CHD9: variants seen among roughly 807,000 people sequenced by gnomAD.
CHD9 encodes chromodomain helicase DNA binding protein 9, also known as ATP-dependent chromatin remodeler CHD9.
CHD9 carries 77 observed loss-of-function variants against 316.1 expected under a neutral mutation model. That is an observed-to-expected ratio of 0.24 (90% confidence interval 0.20 to 0.29). The LOEUF is 0.29. CHD9 is among the 10% of genes least tolerant of loss of function. The probability of loss-of-function intolerance (pLI) is 1.00; values close to 1 mark genes in which losing one functional copy is unlikely to be tolerated. For missense variants in CHD9, 2,763 were observed against 3,438.1 expected, an observed-to-expected ratio of 0.80 and a Z score of 4.91; for synonymous variants, 1,129 against 1,158.3, an observed-to-expected ratio of 0.97 and a Z score of 0.51.
chr16:53,292,778 T>G, intron 28 of CHD9, 55 bp from the exon 29 acceptor site: 4 of 1,399,250 alleles, frequency 2.9e-6, no homozygotes, highest in Non-Finnish European at 4.0e-6. Context: ...GCTGCTTTTG[T>G]GAGCTTCATA....
At chr16:53,207,038 G>A (rs2045947763) in intron 2 of CHD9, among the ~76,000 whole-genome samples, 2 of 152,018 alleles carry the variant, frequency 1.3e-5, no homozygotes, top group Admixed American at 1.3e-4. Context: ...GGTCTTTCTA[G>A]AGCCCTGTTT....
At chr16:53,067,797 C>T (rs566630757) in intron 1 of CHD9, among the ~76,000 whole-genome samples, 24 of 152,194 alleles carry the variant, frequency 1.6e-4, no homozygotes, top group Admixed American at 5.2e-4. Context: ...CATTTTCCTC[C>T]TTTTCATAGT....
At chr16:53,204,632 C>T (rs777969569) in intron 2 of CHD9, among the ~76,000 whole-genome samples, 14 of 151,950 alleles carry the variant, frequency 9.2e-5, no homozygotes, top group African/African-American at 3.4e-4. Flanking sequence ...AGGTCATGAC[C>T]TGTCTTTGAC....
chr16:53,065,841 T>C (rs1411145915), intron 1 of CHD9, among the ~76,000 whole-genome samples: 2 of 152,050 alleles, frequency 1.3e-5, no homozygotes, highest in Non-Finnish European at 2.9e-5. Flanking sequence ...TATGATTCCT[T>C]CAGCTTTTGT....
intron 2 of CHD9, among the ~76,000 whole-genome samples, chr16:53,163,636 A>G (rs971790457): frequency 1.3e-5 from 2 of 152,246 alleles, no homozygotes; most frequent in African/African-American, 4.8e-5. Flanking sequence ...TTTTCTAAAA[A>G]TGATTTTGAG....
intron 1 of CHD9, among the ~76,000 whole-genome samples, chr16:53,143,044 A>G (rs977865770): frequency 2.6e-5 from 4 of 152,162 alleles, no homozygotes; most frequent in Admixed American, 1.3e-4. Flanking sequence ...TATCTTGATG[A>G]CTAACCTACT....
At chr16:53,170,926 G>A (rs1408484216) in intron 2 of CHD9, among the ~76,000 whole-genome samples, 1 of 152,034 alleles carries the variant, frequency 6.6e-6, no homozygotes, top group Non-Finnish European at 1.5e-5. Flanking sequence ...AACTCAGGAA[G>A]GAAGTAAGGC....
chr16:53,244,615 A>G (rs2049406670), intron 13 of CHD9, among the ~76,000 whole-genome samples: 1 of 152,230 alleles, frequency 6.6e-6, no homozygotes. Flanking sequence ...ACTCTTTGGT[A>G]TACAAATTAC....
intron 1 of CHD9, among the ~76,000 whole-genome samples, chr16:53,104,874 TA>T (rs942190567): frequency 2.0e-5 from 3 of 152,024 alleles, no homozygotes; most frequent in African/African-American, 7.2e-5. Context: ...TTGAAGGGCT[TA>T]ATTTTAAAAA....
chr16:53,203,060 AAATC>A (rs2045593031), intron 2 of CHD9, among the ~76,000 whole-genome samples: 1 of 152,230 alleles, frequency 6.6e-6, no homozygotes, highest in African/African-American at 2.4e-5. Flanking sequence ...CATTAAATAA[AAATC>A]AAAAGAAGCC....
intron 24 of CHD9, among the ~76,000 whole-genome samples, chr16:53,276,817 C>T (rs375636719): frequency 6.6e-6 from 1 of 152,078 alleles, no homozygotes; most frequent in Admixed American, 6.6e-5. Context: ...CTCTAATCCT[C>T]TTCACCACAA....
At chr16:53,112,362 T>C (rs1250848758) in intron 1 of CHD9, among the ~76,000 whole-genome samples, 1 of 152,182 alleles carries the variant, frequency 6.6e-6, no homozygotes, top group Non-Finnish European at 1.5e-5. Context: ...AAACAGACTT[T>C]GGGGAAGAAA....
At chr16:53,067,031 C>T (rs905472568) in intron 1 of CHD9, among the ~76,000 whole-genome samples, 3 of 152,234 alleles carry the variant, frequency 2.0e-5, no homozygotes, top group Non-Finnish European at 4.4e-5. Context: ...CAACCTCTGC[C>T]TCCTGGGCTC....
At chr16:53,173,605 C>T (rs1356593031) in intron 2 of CHD9, among the ~76,000 whole-genome samples, 3 of 151,740 alleles carry the variant, frequency 2.0e-5, no homozygotes, top group East Asian at 1.9e-4. Context: ...AGTGCAGTGG[C>T]GCGATCTCAG....
intron 19 of CHD9, among the ~76,000 whole-genome samples, chr16:53,258,386 C>T (rs1248328652): frequency 1.3e-5 from 2 of 152,122 alleles, no homozygotes; most frequent in Non-Finnish European, 2.9e-5. Context: ...CATTTGAAAA[C>T]TGATAAGGTA....
intron 10 of CHD9, among the ~76,000 whole-genome samples, chr16:53,233,878 A>G (rs967512693): frequency 6.6e-6 from 1 of 152,184 alleles, no homozygotes; most frequent in African/African-American, 2.4e-5. Context: ...ATAATTTTAA[A>G]GCAGAAGACA....
At chr16:53,303,694 A>G (rs1287510531) in intron 30 of CHD9, 26 bp from the exon 31 acceptor site, 15 of 1,497,320 alleles carry the variant, frequency 1.0e-5, no homozygotes, top group Non-Finnish European at 1.3e-5. Flanking sequence ...TGAGATTAAT[A>G]TTTTTGTCCT....
rs1163977563 is a variant in CHD9, at chr16:53,256,381, C to CTTT, written c.4209+622_4209+624dup. On this transcript the variant is annotated intron_variant, in intron 19 of 38. Coordinates refer to ENST00000447540, the MANE Select transcript of CHD9 (RefSeq NM_001308319.2). Reference sequence around the variant, plus strand: ...TGCCTTTATATTCCTTTTTTCTTTTCTTTTTTTTTTTTTTTTTTTTTTGAG... The same window carrying CTTT: ...TGCCTTTATATTCCTTTTTTCTTTTCTTTTTTTTTTTTTTTTTTTTTTTTTGAG... Among the ~76,000 whole-genome samples, 582 of 99,240 alleles carry CTTT rather than the reference C, an allele frequency of 5.9e-3. 13 individuals are homozygous for CTTT. Among genetic ancestry groups the CTTT allele is most frequent in the Middle Eastern group, 0.016 (2 of 126 alleles). 65.1% of individuals were successfully genotyped at this position (99,240 alleles called of 152,430 possible).
chr16:53,062,517 A>G (rs147928395), intron 1 of CHD9, among the ~76,000 whole-genome samples: 306 of 152,180 alleles, frequency 2.0e-3, no homozygotes, highest in African/African-American at 6.7e-3. Flanking sequence ...ACACGCAGGG[A>G]GGTCACTTGA....
Sources: gnomAD v4.1 joint callset for allele counts (sites outside exome capture counted in the v4.1 genomes callset) on GRCh38, gnomAD v4.1.1 for gene constraint, MANE v1.5 for transcripts, NCBI Gene and HGNC (gene_info 2026-07-23, HGNC 2026-07-21) for gene names.